Variants in ASXL1 observed in about 807,000 individuals in gnomAD.
ASXL1 encodes the protein ASXL transcriptional regulator 1.
Under a neutral mutation model 89.1 loss-of-function variants are expected in ASXL1, and 65 were observed. The observed-to-expected ratio is 0.73, with a 90% CI of 0.60 to 0.90. The LOEUF is 0.90. Ranked by LOEUF, ASXL1 falls within the 40% of genes least tolerant of loss-of-function variation. ASXL1 has a pLI of 0.00. For synonymous variants in ASXL1, 739 were observed against 746.9 expected, an observed-to-expected ratio of 0.99 and a Z score of 0.17; for missense variants, 1,786 against 1,942.9, an observed-to-expected ratio of 0.92 and a Z score of 1.52.
chr20:32,436,696 GA>G lies in ASXL1; in HGVS notation c.3985del (p.Ile1329SerfsTer121), dbSNP rs753806321. On this transcript the variant is annotated frameshift_variant, in exon 13 of 13. Transcript: ENST00000375687. LOFTEE classifies it high-confidence loss of function. ...PADPMPLPAE[I>X]PPVFPSGKLG... ...CGGACCCGATGCCTCTTCCTGCTGA[GA>G]TCCCTCCAGTTTTTCCCAGTGGGAA... 2.5e-6 allele frequency: 4 copies of G among 1,614,052 alleles called. No individual in the cohort carries two copies. In the South Asian group the frequency reaches 4.4e-5, roughly 18 times the overall value.
At chr20:32,388,552 A>G (rs930893554) in intron 4 of ASXL1, among the ~76,000 whole-genome samples, 1 of 152,150 alleles carries the variant, frequency 6.6e-6, no homozygotes, top group African/African-American at 2.4e-5. Flanking sequence ...ATGTTAATAG[A>G]TTCTTTTTTT....
chr20:32,432,504 A>G, intron 10 of ASXL1: 2 of 308,926 alleles, frequency 6.5e-6, no homozygotes, highest in East Asian at 8.3e-5. Context: ...TGAACAACTC[A>G]TATCAGTTAG....
chr20:32,358,793 G>A lies in ASXL1; in HGVS notation c.18G>A (p.Lys6=), dbSNP rs2048056489. 6.0e-6 allele frequency: 9 copies of A among 1,498,518 alleles called. 1 individual carries two copies. The East Asian group carries it at 1.4e-4, about 23-fold the overall frequency. 92.8% of individuals were successfully genotyped at this position (1,498,518 alleles called of 1,614,324 possible). ...GGAGAAGGATGAAGGACAAACAGAA[G>A]AAGAAGAAGGAGCGCACGTGGGCCG... MKDKQ[K]KKKERTWAEA... Residue 6 remains lysine (K), a synonymous_variant, in exon 1 of 13, where the codon AAG becomes AAA. Coordinates refer to ENST00000375687, the MANE Select transcript of ASXL1 (RefSeq NM_015338.6).
Position 32,438,311 on chromosome 20 carries a change from C to T in ASXL1, c.*973C>T, listed in dbSNP as rs1002755894. ...ATGTATTTATATGTTGTACACAGTA[C>T]TGGCTGATTCTGTAAATGGATGTAT... On this transcript the variant is annotated 3_prime_UTR_variant, in exon 13 of 13. Transcript: ENST00000375687. The T allele has an allele frequency of 6.0e-5, 14 of 233,456 alleles. No homozygotes were observed. Among genetic ancestry groups the T allele is most frequent in the Non-Finnish European group, 1.1e-4 (13 of 117,958 alleles). The allele number at this position is 233,456 out of a possible 1,614,324, so 14.5% of individuals were successfully genotyped here. A position where few individuals can be genotyped will look rare whatever the true frequency, so the allele number is the denominator to read the frequency against.
intron 4 of ASXL1, among the ~76,000 whole-genome samples, chr20:32,423,357 G>A (rs2011189569): frequency 6.6e-6 from 1 of 151,782 alleles, no homozygotes; most frequent in Admixed American, 6.6e-5. Flanking sequence ...AGCTTCCCAA[G>A]TAGCTGGGAT....
At chr20:32,384,430 A>C (rs1201171713) in intron 4 of ASXL1, among the ~76,000 whole-genome samples, 1 of 152,000 alleles carries the variant, frequency 6.6e-6, no homozygotes, top group African/African-American at 2.4e-5. Flanking sequence ...TCCTAACCTC[A>C]AGTGATCCAC....
At chr20:32,368,959 C>G in intron 3 of ASXL1, 56 bp from the exon 4 acceptor site, 1 of 1,468,578 alleles carries the variant, frequency 6.8e-7, no homozygotes, top group Non-Finnish European at 9.5e-7. Context: ...GGGATTAGGT[C>G]TTTAAGTAGG....
chr20:32,364,063 A>T (rs753638936), intron 1 of ASXL1, among the ~76,000 whole-genome samples: 1 of 152,212 alleles, frequency 6.6e-6, no homozygotes. Context: ...ACCTAGGTTC[A>T]GGTTGGGTTG....
In ASXL1 at chr20:32,429,988, G is replaced by C. The variant is rs373418380; in HGVS notation, c.653G>C (p.Arg218Pro). The C allele has an allele frequency of 2.5e-6, 4 of 1,608,692 alleles. No individual in the cohort carries two copies. In the Admixed American group the frequency reaches 5.0e-5, roughly 20 times the overall value. The change falls in exon 8 of 13, where the codon CGT becomes CCT. Residue 218 changes from arginine to proline, a missense_variant. Arg to Pro is a moderately radical substitution (Grantham distance 103). Around this residue, in one of 3 missense-constraint regions of ASXL1, gnomAD observed 332 missense variants for 449.7 expected, o/e 0.74. Transcript: ENST00000375687. The surrounding 1 kb of genome is among the most constrained non-coding windows in gnomAD (Gnocchi z 4.9). Reference sequence around the variant, plus strand: ...CTGGCCCTGGGCAGCGCTGCTATTCGTGGCCAGGCCGAGGTCACCCAGGAC... The same window carrying C: ...CTGGCCCTGGGCAGCGCTGCTATTCCTGGCCAGGCCGAGGTCACCCAGGAC... ...GSLALGSAAI[R>P]GQAEVTQDPA...
At chr20:32,360,528 GGTGT>G (rs2048092994) in intron 1 of ASXL1, 1 of 152,620 alleles carries the variant, frequency 6.6e-6, no homozygotes, top group African/African-American at 2.4e-5. Context: ...CTGTTATGCG[GGTGT>G]TTATGACCCT....
intron 8 of ASXL1, chr20:32,430,330 TTGAG>T (rs1555910810): frequency 2.5e-6 from 1 of 395,278 alleles, no homozygotes. Flanking sequence ...TAGTAAGTGT[TTGAG>T]TGAGTGAAAA....
At chr20:32,382,040 C>G (rs2048496551) in intron 4 of ASXL1, among the ~76,000 whole-genome samples, 1 of 149,784 alleles carries the variant, frequency 6.7e-6, no homozygotes, top group Non-Finnish European at 1.5e-5. Flanking sequence ...ACGGCAACCT[C>G]CACTTCCCGG....
At chr20:32,418,527 G>A (rs1313891722) in intron 4 of ASXL1, among the ~76,000 whole-genome samples, 1 of 152,134 alleles carries the variant, frequency 6.6e-6, no homozygotes, top group African/African-American at 2.4e-5. Context: ...ATGAAGTTAT[G>A]CAACCATCAC....
chr20:32,400,675 A>G (rs1031960299), intron 4 of ASXL1, among the ~76,000 whole-genome samples: 1 of 152,040 alleles, frequency 6.6e-6, no homozygotes, highest in Non-Finnish European at 1.5e-5. Context: ...TCAGCCCTCT[A>G]CTGTGTGGTA....
intron 4 of ASXL1, among the ~76,000 whole-genome samples, chr20:32,424,872 A>C (rs556784178): frequency 1.3e-5 from 2 of 152,350 alleles, no homozygotes; most frequent in East Asian, 3.9e-4. Context: ...ATTATTATAA[A>C]GTGAACACCC....
intron 4 of ASXL1, 173 bp from the exon 5 acceptor site, chr20:32,427,955 T>C: frequency 1.1e-6 from 1 of 890,928 alleles, no homozygotes; most frequent in South Asian, 1.5e-5. Context: ...CTAACTTTCT[T>C]AATGATATAT....
rs188364653 is a variant in ASXL1, at chr20:32,416,125, T to C, written c.253-12003T>C. ...TGTATTTTGGGGGTACAGGTGATAT[T>C]TTGATACCTGTATGCAATACATAGA... is the stretch of plus-strand genomic sequence containing the variant. On this transcript the variant is annotated intron_variant, in intron 4 of 12. Coordinates refer to ENST00000375687, the MANE Select transcript of ASXL1 (RefSeq NM_015338.6). 8.6e-4 allele frequency among the ~76,000 whole-genome samples: 131 copies of C among 152,292 alleles called. 1 individual carries two copies. Among genetic ancestry groups the C allele is most frequent in the South Asian group, 3.9e-3 (19 of 4,828 alleles).
intron 4 of ASXL1, among the ~76,000 whole-genome samples, chr20:32,426,524 A>G (rs886569708): frequency 1.3e-4 from 19 of 147,072 alleles, no homozygotes; most frequent in African/African-American, 4.7e-4. Flanking sequence ...AGAGGTAAAG[A>G]TGTAGAAAAC....
intron 4 of ASXL1, among the ~76,000 whole-genome samples, chr20:32,402,069 T>C (rs189570855): frequency 1.2e-3 from 176 of 152,366 alleles, no homozygotes; most frequent in Non-Finnish European, 2.2e-3. Context: ...TCATATAATA[T>C]GTTACCTTTG....
Sources: gnomAD v4.1 joint callset for allele counts (sites outside exome capture counted in the v4.1 genomes callset) on GRCh38, gnomAD v4.1.1 for gene constraint, gnomAD v4.1.1 regional missense constraint, Gnocchi (gnomAD v3.1) non-coding constraint, MANE v1.5 for transcripts, NCBI Gene and HGNC (gene_info 2026-07-23, HGNC 2026-07-21) for gene names.